ZZZ3: variants seen among roughly 807,000 people sequenced by gnomAD.
The protein encoded by ZZZ3 is ZZ-type zinc finger-containing protein 3.
In ZZZ3, 22 loss-of-function variants were observed where a neutral mutation model predicts 95.2. The ratio of observed to expected loss-of-function variants is 0.23; its 90% CI spans 0.17 to 0.33. The LOEUF (loss-of-function observed/expected upper bound fraction) is 0.33, where lower values mean the gene tolerates loss of function less well. ZZZ3 is among the 10% of genes least tolerant of loss of function. The pLI is 1.00. For synonymous variants in ZZZ3, 335 were observed against 358.9 expected (o/e 0.93, Z 0.75); for missense variants, 885 against 1,066.5 (o/e 0.83, Z 2.37).
At chr1:77,680,548 G>A (rs770379388) in intron 1 of ZZZ3, among the ~76,000 whole-genome samples, 4 of 152,132 alleles carry the variant, frequency 2.6e-5, no homozygotes, top group Non-Finnish European at 5.9e-5. Flanking sequence ...ATTCTCTTAT[G>A]TGACTGGTCT....
At chr1:77,649,604 C>T (rs917709085) in intron 1 of ZZZ3, among the ~76,000 whole-genome samples, 8 of 151,936 alleles carry the variant, frequency 5.3e-5, no homozygotes, top group Non-Finnish European at 8.8e-5. Context: ...TTTTCCTGGC[C>T]GGGCATGGTG....
At chr1:77,582,924 G>A (rs560998425) in intron 6 of ZZZ3, among the ~76,000 whole-genome samples, 1 of 151,924 alleles carries the variant, frequency 6.6e-6, no homozygotes, top group Non-Finnish European at 1.5e-5. Context: ...GGCCAACATG[G>A]TGAAACCCAG....
intron 5 of ZZZ3, among the ~76,000 whole-genome samples, chr1:77,591,211 TATA>T (rs1426070040): frequency 6.6e-6 from 1 of 152,204 alleles, no homozygotes; most frequent in Non-Finnish European, 1.5e-5. Context: ...ATAAGAGCTG[TATA>T]ATAAGATGCT....
At chr1:77,583,606 A>G (rs555960158) in intron 6 of ZZZ3, among the ~76,000 whole-genome samples, 1 of 152,266 alleles carries the variant, frequency 6.6e-6, no homozygotes, top group South Asian at 2.1e-4. Context: ...AATTAACACA[A>G]CTAGTGAAAT....
At chr1:77,676,279 A>G (rs1163943457) in intron 1 of ZZZ3, among the ~76,000 whole-genome samples, 1 of 152,092 alleles carries the variant, frequency 6.6e-6, no homozygotes, top group Admixed American at 6.6e-5. Context: ...TGATCCTTCC[A>G]CCTCATCCTC....
intron 1 of ZZZ3, among the ~76,000 whole-genome samples, chr1:77,651,311 G>A (rs914712111): frequency 6.6e-6 from 1 of 152,152 alleles, no homozygotes; most frequent in Non-Finnish European, 1.5e-5. Context: ...CTTGAGCCCA[G>A]GAGGTTGCAC....
In ZZZ3 at chr1:77,584,569, T is replaced by C; in HGVS notation, c.1592A>G (p.Gln531Arg). 1 of 1,613,534 alleles carries C rather than the reference T, an allele frequency of 6.2e-7. No homozygotes were observed. Among genetic ancestry groups the C allele is most frequent in the Non-Finnish European group, 8.5e-7 (1 of 1,179,786 alleles). The change falls in exon 6 of 15, where the codon CAG (glutamine) becomes CGG (arginine). Residue 531 changes from glutamine (Q) to arginine (R), a missense_variant. Around this residue, in one of 5 missense-constraint regions of ZZZ3, gnomAD observed 556 missense variants for 652.9 expected, o/e 0.85. Transcript: ENST00000370801. The part of the protein sequence containing the change: ...VQDLESLGRH[Q>R]REALKNPIGF... The stretch of plus-strand genomic sequence containing the variant: ...AATGGGATTTTTCAGTGCTTCTCTC[T>C]GGTGCCTGCCTAAACTTTCAAGGTC...
intron 1 of ZZZ3, among the ~76,000 whole-genome samples, chr1:77,665,873 C>A (rs1308157353): frequency 6.6e-6 from 1 of 151,904 alleles, no homozygotes; most frequent in African/African-American, 2.4e-5. Context: ...AAAACCCAGT[C>A]TCCACTAAGA....
intron 13 of ZZZ3, 97 bp downstream of exon 13, chr1:77,568,235 C>T (rs1201744207): frequency 2.0e-5 from 21 of 1,038,434 alleles, no homozygotes; most frequent in Admixed American, 5.8e-5. Flanking sequence ...GCTGAGATCA[C>T]GCCACTGCAC....
Position 77,576,867 on chromosome 1 carries a change from C to T in ZZZ3, c.2179-647G>A, listed in dbSNP as rs186690515. Among the ~76,000 whole-genome samples the T allele has an allele frequency of 3.3e-5, 5 of 152,208 alleles. No individual in the cohort carries two copies. In the East Asian group the frequency reaches 9.6e-4, roughly 29 times the overall value. On this transcript the variant is annotated intron_variant, in intron 11 of 14. Transcript: ENST00000370801. ...AAGCTGTCGTGGGCCACATGTGGTA[C>T]GTGGGTCATGGGTTGGACAAGCTTG... is the stretch of plus-strand genomic sequence containing the variant.
intron 12 of ZZZ3, among the ~76,000 whole-genome samples, chr1:77,575,257 C>G (rs767739614): frequency 3.3e-5 from 5 of 152,134 alleles, no homozygotes; most frequent in Admixed American, 3.3e-4. Flanking sequence ...CTCAGAGTAA[C>G]CAAATAGTTG....
chr1:77,627,940 A>G (rs753026458), intron 5 of ZZZ3, among the ~76,000 whole-genome samples: 3 of 152,244 alleles, frequency 2.0e-5, no homozygotes, highest in Non-Finnish European at 2.9e-5. Flanking sequence ...TTGCACAATG[A>G]TAATTCAGAG....
At chr1:77,582,235 G>A in intron 6 of ZZZ3, 109 bp from the exon 7 acceptor site, 3 of 886,608 alleles carry the variant, frequency 3.4e-6, no homozygotes, top group East Asian at 2.6e-5. Context: ...ATAATCAATG[G>A]GGCATTTCTA....
rs1368174408 is a variant in ZZZ3, at chr1:77,669,009, A to AC, written c.-403+13575dup. Among the ~76,000 whole-genome samples the AC allele has an allele frequency of 3.3e-5, 5 of 151,710 alleles. No homozygotes were observed. In the East Asian group the frequency reaches 5.8e-4, roughly 18 times the overall value. ...CATATTCTTCAGATATTTTTGTGTT[A>AC]CAAAAAAAAAAAAACAGCCTTATGC... On this transcript the variant is annotated intron_variant, in intron 1 of 14. Transcript: ENST00000370801.
intron 12 of ZZZ3, among the ~76,000 whole-genome samples, chr1:77,570,136 T>A (rs1367395596): frequency 1.3e-5 from 2 of 152,240 alleles, no homozygotes; most frequent in Non-Finnish European, 2.9e-5. Context: ...AGAGTTTCAC[T>A]CTGTCACCCA....
intron 5 of ZZZ3, among the ~76,000 whole-genome samples, chr1:77,588,130 G>A (rs535596669): frequency 1.6e-4 from 24 of 152,262 alleles, no homozygotes; most frequent in Middle Eastern, 3.4e-3. Context: ...CTACACAGGA[G>A]GTCTATGCCC....
chr1:77,638,859 C>T (rs182256055), intron 4 of ZZZ3, among the ~76,000 whole-genome samples: 53 of 152,218 alleles, frequency 3.5e-4, no homozygotes, highest in Non-Finnish European at 4.3e-4. Context: ...TATTTTAAGA[C>T]AATACCTCAG....
At chr1:77,655,866 G>C (rs528558759) in intron 1 of ZZZ3, among the ~76,000 whole-genome samples, 29 of 152,266 alleles carry the variant, frequency 1.9e-4, no homozygotes, top group Non-Finnish European at 4.0e-4. Context: ...TCATTCTTAG[G>C]TCCAAACCAG....
chr1:77,632,243 G>T lies in ZZZ3; in HGVS notation c.1112C>A (p.Pro371His), dbSNP rs1364796135. 6.2e-7 allele frequency: 1 copy of T among 1,613,888 alleles called. No individual in the cohort carries two copies. The highest frequency in any genetic ancestry group is 1.3e-5 in the African/African-American group (1 of 74,898). ...TCTCAGAGTATAACGATGTTCTTGAGGTTCTGATAAAGACATCATTTGAGC... is the reference window on the plus strand; with the variant it reads ...TCTCAGAGTATAACGATGTTCTTGATGTTCTGATAAAGACATCATTTGAGC... ...VSAQMMSLSE[P>H]QEHRYTLRTS... The change falls in exon 5 of 15, where the codon CCT becomes CAT. Residue 371 changes from proline (P) to histidine (H), a missense_variant. Pro to His is a moderately conservative substitution (Grantham distance 77). Around this residue, in one of 5 missense-constraint regions of ZZZ3, gnomAD observed 556 missense variants for 652.9 expected, o/e 0.85. Coordinates refer to ENST00000370801, the MANE Select transcript of ZZZ3 (RefSeq NM_015534.6).
Sources: gnomAD v4.1 joint callset for allele counts (sites outside exome capture counted in the v4.1 genomes callset) on GRCh38, gnomAD v4.1.1 for gene constraint, gnomAD v4.1.1 regional missense constraint, MANE v1.5 for transcripts, NCBI Gene and HGNC (gene_info 2026-07-23, HGNC 2026-07-21) for gene names.